Variants in UBXN11 observed in about 807,000 individuals in gnomAD.
The protein encoded by UBXN11 is UBX domain-containing protein 11.
A neutral mutation model predicts 62.8 loss-of-function variants in UBXN11; 47 were observed. That is an observed-to-expected ratio of 0.75 (90% confidence interval 0.59 to 0.95). UBXN11 has a LOEUF of 0.95. Ranked by LOEUF, UBXN11 falls within the 40% of genes least tolerant of loss-of-function variation. The pLI is 0.00. For missense variants in UBXN11, 638 were observed against 661.7 expected, an observed-to-expected ratio of 0.96 and a Z score of 0.39; for synonymous variants, 294 against 267.0, an observed-to-expected ratio of 1.10 and a Z score of -0.99.
At position 26,297,574 on chromosome 1, in the gene UBXN11, T is replaced by G; in HGVS notation, c.301-93A>C. 4.3e-6 allele frequency: 6 copies of G among 1,400,428 alleles called. No individual in the cohort carries two copies. The South Asian group carries it at 8.8e-5, about 21-fold the overall frequency. The allele number at this position is 1,400,428 out of a possible 1,614,324, so 86.8% of individuals were successfully genotyped here. On this transcript the variant is annotated intron_variant, in intron 5 of 14. Transcript: ENST00000374222. ...CCAGAGCTTTGCCTATGTTGGATGCTGGGGAGCAGCAAGCCCCTGCCACCC... is the reference window on the plus strand; with the variant it reads ...CCAGAGCTTTGCCTATGTTGGATGCGGGGGAGCAGCAAGCCCCTGCCACCC...
At chr1:26,294,385 G>T in intron 7 of UBXN11, 54 bp from the exon 8 acceptor site, 1 of 1,597,964 alleles carries the variant, frequency 6.3e-7, no homozygotes, top group South Asian at 1.1e-5. Context: ...CCCTTCCCAG[G>T]GAAAGGCAGT....
chr1:26,285,240 G>T (rs569599395), intron 10 of UBXN11: 2 of 1,323,254 alleles, frequency 1.5e-6, no homozygotes, highest in Admixed American at 3.4e-5. Flanking sequence ...CGCAGCCGAG[G>T]CTGTCTCCAG....
chr1:26,307,198 C>T (rs1570141371), upstream of UBXN11, among the ~76,000 whole-genome samples: 1 of 152,138 alleles, frequency 6.6e-6, no homozygotes, highest in East Asian at 1.9e-4. Flanking sequence ...AGACAATTTC[C>T]CCTCCCAGAG....
Position 26,302,685 on chromosome 1 carries a change from G to T in UBXN11, c.71+128C>A, listed in dbSNP as rs796886654. The T allele has an allele frequency of 5.9e-6, 6 of 1,019,422 alleles. No individual in the cohort carries two copies. The African/African-American group carries it at 8.1e-5, about 14-fold the overall frequency. 63.1% of individuals were successfully genotyped at this position (1,019,422 alleles called of 1,614,324 possible). ...AGAAGGTATAAAGAAAAAGACAGTGGTCAGGGAAGGCTATGTGGCCCTTCT... is the reference window on the plus strand; with the variant it reads ...AGAAGGTATAAAGAAAAAGACAGTGTTCAGGGAAGGCTATGTGGCCCTTCT... On this transcript the variant is annotated intron_variant, in intron 2 of 14. Transcript: ENST00000374222.
chr1:26,306,842 T>TGGTGGGGG (rs2073683230), upstream of UBXN11: 1 of 29,810 alleles, frequency 3.4e-5, no homozygotes, highest in Non-Finnish European at 6.4e-5. Flanking sequence ...GGGGGGGGGG[T>TGGTGGGGG]GGTTCGTTCC....
chr1:26,294,572 G>A (rs2073350807), intron 7 of UBXN11, among the ~76,000 whole-genome samples: 1 of 152,196 alleles, frequency 6.6e-6, no homozygotes, highest in Non-Finnish European at 1.5e-5. Flanking sequence ...TGCCACATAA[G>A]CTTGTGAGGA....
intron 1 of UBXN11, among the ~76,000 whole-genome samples, chr1:26,312,100 C>T (rs2073749845): frequency 6.6e-6 from 1 of 152,128 alleles, no homozygotes; most frequent in Admixed American, 6.6e-5. Flanking sequence ...AGAACATCCT[C>T]TCTTGCCTTT....
upstream of UBXN11, among the ~76,000 whole-genome samples, chr1:26,308,522 A>C (rs1041634919): frequency 6.6e-6 from 1 of 152,126 alleles, no homozygotes; most frequent in African/African-American, 2.4e-5. Context: ...GTGTGACTGG[A>C]GAGTGGACAT....
chr1:26,291,689 T>C (rs1172492463), intron 8 of UBXN11, among the ~76,000 whole-genome samples: 2 of 152,204 alleles, frequency 1.3e-5, no homozygotes, highest in Non-Finnish European at 1.5e-5. Flanking sequence ...TGTGGGCCTC[T>C]GGCCTAGATC....
chr1:26,306,257 G>A (rs1388229975), intron 1 of UBXN11: 1 of 152,230 alleles, frequency 6.6e-6, no homozygotes, highest in African/African-American at 2.4e-5. Context: ...CTACATCTTT[G>A]GAACCAAACT....
At chr1:26,292,347 G>T (rs1023081433) in intron 8 of UBXN11, among the ~76,000 whole-genome samples, 1 of 151,668 alleles carries the variant, frequency 6.6e-6, no homozygotes, top group Admixed American at 6.6e-5. Flanking sequence ...GCGAGACCTC[G>T]TCTCTACAAA....
chr1:26,300,476 C>A (rs4625269), intron 4 of UBXN11, among the ~76,000 whole-genome samples: 104,298 of 152,010 alleles, frequency 0.69, 36,329 homozygotes, highest in Non-Finnish European at 0.75. Flanking sequence ...CTGCTAAATC[C>A]CCACTCTGGG....
At chr1:26,301,630 G>T in intron 3 of UBXN11, 64 bp downstream of exon 3, 2 of 1,600,114 alleles carry the variant, frequency 1.2e-6, no homozygotes, top group East Asian at 4.5e-5. Flanking sequence ...CTCTCCATCG[G>T]TCCAACTGTA....
At chr1:26,285,580 C>G in intron 9 of UBXN11, 39 bp from the exon 10 acceptor site, 1 of 1,516,548 alleles carries the variant, frequency 6.6e-7, no homozygotes, top group Non-Finnish European at 8.9e-7. Context: ...TGGCCTGGGC[C>G]TTGGGCCCAC....
chr1:26,300,733 G>T (rs149837238), intron 4 of UBXN11, among the ~76,000 whole-genome samples, 193 bp downstream of exon 4: 1 of 152,146 alleles, frequency 6.6e-6, no homozygotes, highest in South Asian at 2.1e-4. Flanking sequence ...GCTGGGCCTC[G>T]GCCTCCTGAG....
upstream of UBXN11, among the ~76,000 whole-genome samples, chr1:26,308,767 C>T (rs944544716): frequency 2.6e-5 from 4 of 152,060 alleles, no homozygotes; most frequent in African/African-American, 9.7e-5. Context: ...ATTCCTGCCT[C>T]AGCAAGAACC....
chr1:26,284,630 G>T, intron 10 of UBXN11, 148 bp from the exon 11 acceptor site: 1 of 1,395,110 alleles, frequency 7.2e-7, no homozygotes, highest in Non-Finnish European at 9.4e-7. Flanking sequence ...CCTCAGGAGA[G>T]CCACGGTTCG....
At position 26,304,418 on chromosome 1, in the gene UBXN11, C is replaced by T. The variant is rs541458593; in HGVS notation, c.-35-1500G>A. On this transcript the variant is annotated intron_variant, in intron 1 of 14. Coordinates refer to ENST00000374222, the MANE Select transcript of UBXN11 (RefSeq NM_001389556.1). ...ACATAAAGCAGGCCGGGAGCGGTGG[C>T]TCATGCCTATAATCCCAGCACTTCT... Among the ~76,000 whole-genome samples the T allele has an allele frequency of 1.2e-4, 18 of 152,284 alleles. No individual in the cohort carries two copies. The East Asian group carries it at 3.5e-3, about 29-fold the overall frequency.
chr1:26,294,557 G>A (rs560401306), intron 7 of UBXN11, among the ~76,000 whole-genome samples: 2 of 152,344 alleles, frequency 1.3e-5, no homozygotes, highest in East Asian at 1.9e-4. Context: ...TGGAGTGACA[G>A]TTCCTGCCAC....
Sources: gnomAD v4.1 joint callset for allele counts (sites outside exome capture counted in the v4.1 genomes callset) on GRCh38, gnomAD v4.1.1 for gene constraint, MANE v1.5 for transcripts, NCBI Gene and HGNC (gene_info 2026-07-23, HGNC 2026-07-21) for gene names.